Variants in RBPJ observed in about 807,000 individuals in gnomAD.
RBPJ encodes the protein recombining binding protein suppressor of hairless.
RBPJ carries 9 observed loss-of-function variants against 67.8 expected under a neutral mutation model. That is an observed-to-expected ratio of 0.13 (90% CI 0.08 to 0.23). The LOEUF is 0.23. Among genes scored for constraint, RBPJ ranks in the 10% least tolerant of loss-of-function variants. RBPJ has a pLI of 1.00. For synonymous variants in RBPJ, 198 were observed against 203.3 expected, an observed-to-expected ratio of 0.97 and a Z score of 0.22; for missense variants, 305 against 595.6, an observed-to-expected ratio of 0.51 and a Z score of 5.08.
At chr4:26,218,320 A>G (rs943869670) in intron 1 of RBPJ, among the ~76,000 whole-genome samples, 1 of 152,194 alleles carries the variant, frequency 6.6e-6, no homozygotes, top group African/African-American at 2.4e-5. Flanking sequence ...GCAGATGACT[A>G]TAAAGACAGA....
At chr4:26,166,080 G>A (rs1384076210) in intron 1 of RBPJ, among the ~76,000 whole-genome samples, 2 of 148,614 alleles carry the variant, frequency 1.3e-5, no homozygotes, top group African/African-American at 5.0e-5. Context: ...GTATTCCATG[G>A]TGTATATGTG....
At chr4:26,233,428 T>G (rs1184260200) in intron 1 of RBPJ, among the ~76,000 whole-genome samples, 2 of 152,228 alleles carry the variant, frequency 1.3e-5, no homozygotes, top group East Asian at 3.8e-4. Context: ...AGGGCTGAAT[T>G]CAATTATCCT....
At chr4:26,121,321 C>T in the RBPJ span, among the ~76,000 whole-genome samples, 3,571 of 152,178 alleles carry the variant, frequency 0.023, 59 homozygotes, top group Non-Finnish European at 0.032. Context: ...TTCTCAATAA[C>T]TTGAGAACCA....
At chr4:26,298,899 C>A (rs573880484) in intron 1 of RBPJ, among the ~76,000 whole-genome samples, 1 of 152,252 alleles carries the variant, frequency 6.6e-6, no homozygotes, top group Non-Finnish European at 1.5e-5. Context: ...AGAAGTAAAC[C>A]TGTGAAATCA....
chr4:26,411,421 T>G (rs1433908300), intron 3 of RBPJ, among the ~76,000 whole-genome samples: 1 of 152,116 alleles, frequency 6.6e-6, no homozygotes, highest in Non-Finnish European at 1.5e-5. Flanking sequence ...TTACGAAGTA[T>G]GGGCAACAAC....
At chr4:26,259,864 C>A (rs1720470256) in intron 1 of RBPJ, among the ~76,000 whole-genome samples, 1 of 152,136 alleles carries the variant, frequency 6.6e-6, no homozygotes, top group African/African-American at 2.4e-5. Flanking sequence ...ATGAGTTATT[C>A]ATTTGTAAAC....
upstream of RBPJ, among the ~76,000 whole-genome samples, chr4:26,158,983 C>CTCT (rs1716029600): frequency 7.2e-6 from 1 of 138,270 alleles, no homozygotes; most frequent in Non-Finnish European, 1.6e-5. Context: ...CTCTCTCTCT[C>CTCT]AATTTAGTCC....
chr4:26,430,674 T>G lies in RBPJ; in HGVS notation c.1149-18T>G. 1 of 1,609,594 alleles carries G rather than the reference T, an allele frequency of 6.2e-7. No homozygotes were observed. Among genetic ancestry groups the G allele is most frequent in the Non-Finnish European group, 8.5e-7 (1 of 1,177,012 alleles). ...TGCTTTTTAAAGTGTTTTTAAGTGA[T>G]TTCTATTTCCTCCTCAGGTGTGGAG... On this transcript the variant is annotated intron_variant, in intron 10 of 10. Transcript: ENST00000355476. The surrounding 1 kb of genome is among the most constrained non-coding windows in gnomAD (Gnocchi z 4.1).
At chr4:26,329,630 C>T (rs1174316066) in intron 1 of RBPJ, among the ~76,000 whole-genome samples, 1 of 152,110 alleles carries the variant, frequency 6.6e-6, no homozygotes, top group Non-Finnish European at 1.5e-5. Flanking sequence ...CGCGGTGGCT[C>T]ACGCTTGTAA....
At chr4:26,318,781 G>A (rs892260585), upstream of RBPJ, among the ~76,000 whole-genome samples, 6 of 151,798 alleles carry the variant, frequency 4.0e-5, no homozygotes, top group South Asian at 4.2e-4. Context: ...GGCGGATCAC[G>A]AGGTCAGGAG....
intron 1 of RBPJ, among the ~76,000 whole-genome samples, chr4:26,337,515 G>C (rs1316551637): frequency 1.3e-5 from 2 of 151,068 alleles, no homozygotes; most frequent in African/African-American, 2.4e-5. Flanking sequence ...GCTGCTTTGA[G>C]GTTGTTTCCA....
At chr4:26,131,977 G>A in the RBPJ span, among the ~76,000 whole-genome samples, 1 of 152,302 alleles carries the variant, frequency 6.6e-6, no homozygotes, top group East Asian at 1.9e-4. Flanking sequence ...CGTAGGCTCA[G>A]AGCCATTTCT....
chr4:26,145,711 A>G, the RBPJ span, among the ~76,000 whole-genome samples: 1 of 152,200 alleles, frequency 6.6e-6, no homozygotes, highest in African/African-American at 2.4e-5. Flanking sequence ...GGGCAAATCA[A>G]TGGAGAAAAG....
chr4:26,180,663 A>G (rs539291597), intron 1 of RBPJ, among the ~76,000 whole-genome samples: 29 of 152,308 alleles, frequency 1.9e-4, no homozygotes, highest in Admixed American at 5.9e-4. Flanking sequence ...TCATCTCCCA[A>G]TACCTTGGAG....
chr4:26,211,203 T>C (rs1206186675), intron 1 of RBPJ, among the ~76,000 whole-genome samples: 3 of 152,176 alleles, frequency 2.0e-5, no homozygotes, highest in African/African-American at 7.2e-5. Context: ...GCAATGTACA[T>C]ATGTGTAGTA....
At chr4:26,228,553 A>G (rs553641871) in intron 1 of RBPJ, among the ~76,000 whole-genome samples, 2 of 152,328 alleles carry the variant, frequency 1.3e-5, no homozygotes, top group African/African-American at 4.8e-5. Context: ...TCAAGCCTGT[A>G]TTTCCTGATT....
intron 1 of RBPJ, among the ~76,000 whole-genome samples, chr4:26,297,334 TTG>T (rs3065203): frequency 3.1e-4 from 45 of 146,640 alleles, no homozygotes; most frequent in East Asian, 8.1e-4. Flanking sequence ...AAAAATCACT[TTG>T]TGTGTGTGTG....
rs1487969295 is a variant in RBPJ, at chr4:26,434,809, A to G, written c.*3802A>G. The G allele has an allele frequency of 6.6e-6, 1 of 152,238 alleles. No homozygotes were observed. The highest frequency in any genetic ancestry group is 1.5e-5 in the Non-Finnish European group (1 of 68,044). 9.4% of individuals were successfully genotyped at this position (152,238 alleles called of 1,614,324 possible). A position where few individuals can be genotyped will look rare whatever the true frequency, so the allele number is the denominator to read the frequency against. On this transcript the variant is annotated 3_prime_UTR_variant, in exon 11 of 11. Coordinates refer to ENST00000355476, the MANE Select transcript of RBPJ (RefSeq NM_015874.6). ...AAGATAGAAAATTGAGCAAGTTTAT[A>G]CCATAATTTTGTAGAAAAAAAGAAT...
In RBPJ at chr4:26,386,369, C is replaced by G. The variant is rs1730916873; in HGVS notation, c.37C>G (p.Pro13Ala). Residue 13 changes from proline to alanine, a missense_variant, in exon 2 of 11, where the codon CCT becomes GCT. This residue lies in a region of RBPJ where 42 missense variants were observed against 43.6 expected (regional missense o/e 0.96). Transcript: ENST00000355476. ...TTTTTCCAGGAAATTTGGTGAGCGG[C>G]CTCCACCTAAACGACTTACTAGGTG... Reference protein sequence around the residue: ...PVVTGKFGERPPPKRLTREAM... With the variant: ...PVVTGKFGERAPPKRLTREAM... 1 of 1,601,168 alleles carries G rather than the reference C, an allele frequency of 6.2e-7. No individual in the cohort carries two copies. The highest frequency in any genetic ancestry group is 1.4e-5 in the African/African-American group (1 of 74,026).
Sources: gnomAD v4.1 joint callset for allele counts (sites outside exome capture counted in the v4.1 genomes callset) on GRCh38, gnomAD v4.1.1 for gene constraint, gnomAD v4.1.1 regional missense constraint, Gnocchi (gnomAD v3.1) non-coding constraint, MANE v1.5 for transcripts, NCBI Gene and HGNC (gene_info 2026-07-23, HGNC 2026-07-21) for gene names.